H6PD: variants seen among roughly 807,000 people sequenced by gnomAD.
H6PD encodes the protein GDH/6PGL endoplasmic bifunctional protein.
H6PD carries 48 observed loss-of-function variants against 61.2 expected under a neutral mutation model. The ratio of observed to expected loss-of-function variants is 0.78; its 90% CI spans 0.62 to 1.00. The LOEUF is 1.00. Among genes scored for constraint, H6PD ranks in the 50% least tolerant of loss-of-function variants. The pLI is 0.00. For synonymous variants in H6PD, 480 were observed against 457.9 expected (o/e 1.05, Z -0.62); for missense variants, 1,093 against 1,065.0 (o/e 1.03, Z -0.37).
chr1:9,258,273 G>T (rs921280248), intron 3 of H6PD, among the ~76,000 whole-genome samples: 3 of 60,536 alleles, frequency 5.0e-5, no homozygotes, highest in African/African-American at 1.1e-4. Context: ...GTGTTGTTAC[G>T]TTGCTGTTGT....
At chr1:9,252,585 C>T (rs567965563) in intron 3 of H6PD, among the ~76,000 whole-genome samples, 2 of 152,286 alleles carry the variant, frequency 1.3e-5, no homozygotes, top group East Asian at 3.9e-4. Context: ...AGATACAATG[C>T]ACATACCACA....
At chr1:9,244,249 A>G (rs1641091747) in intron 1 of H6PD, among the ~76,000 whole-genome samples, 1 of 152,222 alleles carries the variant, frequency 6.6e-6, no homozygotes, top group Non-Finnish European at 1.5e-5. Flanking sequence ...TTTTATCCTT[A>G]TAACAACTCT....
rs758284231 is a variant in H6PD at position 9,247,026 on chromosome 1, A to T, written c.688A>T (p.Asn230Tyr). ...QNRKALDGLW[N>Y]RHHVERVEII... The stretch of plus-strand genomic sequence containing the variant: ...CCGCAAGGCTTTGGACGGCCTCTGG[A>T]ACCGGCACCATGTGGAGCGGGTGGA... Residue 230 changes from asparagine to tyrosine, a missense_variant, in exon 3 of 5, where the codon AAC becomes TAC. Transcript: ENST00000377403. 6.2e-7 allele frequency: 1 copy of T among 1,614,012 alleles called. No homozygotes were observed.
At chr1:9,257,952 T>C (rs1198728284) in intron 3 of H6PD, among the ~76,000 whole-genome samples, 1 of 152,266 alleles carries the variant, frequency 6.6e-6, no homozygotes, top group Non-Finnish European at 1.5e-5. Flanking sequence ...GAGTCACCGA[T>C]AATCAGTGCT....
chr1:9,247,289 T>C (rs1641211287), intron 3 of H6PD, among the ~76,000 whole-genome samples: 3 of 152,170 alleles, frequency 2.0e-5, no homozygotes, highest in African/African-American at 4.8e-5. Context: ...GAGGAGCGTA[T>C]GGTCCAGAGA....
At position 9,262,134 on chromosome 1, in the gene H6PD, T is replaced by G. The variant is rs1570121334; in HGVS notation, c.821T>G (p.Leu274Arg). ...AACCATCTGACGGAGGTCCTCACCC[T>G]CGTGGCCATGGAGCTGCCCCACAAT... ...LQNHLTEVLT[L>R]VAMELPHNVS... Residue 274 changes from leucine (L) to arginine (R), a missense_variant, in exon 4 of 5, where the codon CTC (leucine) becomes CGC (arginine). Physicochemically the swap from Leu to Arg is moderately radical, Grantham distance 102. Coordinates refer to ENST00000377403, the MANE Select transcript of H6PD (RefSeq NM_004285.4). The G allele has an allele frequency of 6.2e-7, 1 of 1,614,190 alleles. No homozygotes were observed. Among genetic ancestry groups the G allele is most frequent in the African/African-American group, 1.3e-5 (1 of 75,058 alleles).
intron 1 of H6PD, among the ~76,000 whole-genome samples, chr1:9,236,690 C>T (rs1369016415): frequency 6.9e-6 from 1 of 144,656 alleles, no homozygotes; most frequent in African/African-American, 2.6e-5. Context: ...AAAAAAAAAG[C>T]AGCTAGGATT....
chr1:9,259,340 T>TA (rs1641637503), intron 3 of H6PD, among the ~76,000 whole-genome samples: 1 of 152,214 alleles, frequency 6.6e-6, no homozygotes, highest in Non-Finnish European at 1.5e-5. Flanking sequence ...ATGTTGTTGT[T>TA]ACACTGGTGT....
chr1:9,237,187 A>G (rs1319856923), intron 1 of H6PD, among the ~76,000 whole-genome samples: 2 of 150,352 alleles, frequency 1.3e-5, no homozygotes, highest in African/African-American at 4.9e-5. Flanking sequence ...CCTGTATTCA[A>G]ATCCTATCAC....
In H6PD at chr1:9,264,021, C is replaced by T. The variant is rs758056630; in HGVS notation, c.1528C>T (p.Leu510=). The change falls in exon 5 of 5, where the codon CTG becomes TTG. Residue 510 remains leucine, a synonymous_variant. Transcript: ENST00000377403. ...LYPGGAENGR[L]LDFEFSSGRL... ...CCCTGGAGGAGCTGAGAATGGCCGT[C>T]TGTTGGACTTTGAGTTCAGTAGCGG... The T allele has an allele frequency of 1.2e-6, 2 of 1,614,236 alleles. No homozygotes were observed. Among genetic ancestry groups the T allele is most frequent in the Non-Finnish European group, 1.7e-6 (2 of 1,180,046 alleles).
rs1461146705 is a variant in H6PD, at chr1:9,268,625, C to T, written c.*3756C>T. 1 of 152,236 alleles carries T rather than the reference C, an allele frequency of 6.6e-6. No individual in the cohort carries two copies. Among genetic ancestry groups the T allele is most frequent in the African/African-American group, 2.4e-5 (1 of 41,456 alleles). 9.4% of individuals were successfully genotyped at this position (152,236 alleles called of 1,614,324 possible). On this transcript the variant is annotated 3_prime_UTR_variant, in exon 5 of 5. Transcript: ENST00000377403. ...CCTGCTAACTGCAAGTTAAAATAGG[C>T]CCTTCTTACTGAATTTCCCTGTTTG...
chr1:9,264,987 A>C lies in H6PD; in HGVS notation c.*118A>C. On this transcript the variant is annotated 3_prime_UTR_variant, in exon 5 of 5. Transcript: ENST00000377403. ...CTGGCTCTCCAGAACCTTCTATCCC[A>C]CAGTCAGGCCCCAGAGAGGGCAGGA... is the stretch of plus-strand genomic sequence containing the variant. 1.8e-6 allele frequency: 2 copies of C among 1,090,320 alleles called. No homozygotes were observed. Among genetic ancestry groups the C allele is most frequent in the Non-Finnish European group, 2.7e-6 (2 of 736,428 alleles). The allele number at this position is 1,090,320 out of a possible 1,614,324, so 67.5% of individuals were successfully genotyped here.
chr1:9,255,470 T>A (rs1641488188), intron 3 of H6PD, among the ~76,000 whole-genome samples: 1 of 151,910 alleles, frequency 6.6e-6, no homozygotes, highest in African/African-American at 2.4e-5. Context: ...TTTGTAGAGA[T>A]GGGGTTTTGC....
In H6PD at chr1:9,245,482, C is replaced by G; in HGVS notation, c.548C>G (p.Ala183Gly). The G allele has an allele frequency of 6.2e-7, 1 of 1,614,098 alleles. No individual in the cohort carries two copies. The highest frequency in any genetic ancestry group is 8.5e-7 in the Non-Finnish European group (1 of 1,179,950). ...EKPFGHDHFS[A>G]QQLATELGTF... is the part of the protein sequence containing the mutation. Reference sequence around the variant, plus strand: ...CCCTTTGGCCATGACCACTTCTCAGCCCAGCAGCTGGCCACAGAACTCGGG... The same window carrying G: ...CCCTTTGGCCATGACCACTTCTCAGGCCAGCAGCTGGCCACAGAACTCGGG... The change falls in exon 2 of 5, where the codon GCC (alanine) becomes GGC (glycine). Residue 183 changes from alanine to glycine, a missense_variant. Coordinates refer to ENST00000377403, the MANE Select transcript of H6PD (RefSeq NM_004285.4). The surrounding 1 kb of genome is among the most constrained non-coding windows in gnomAD (Gnocchi z 4.8).
chr1:9,264,188 T>C lies in H6PD; in HGVS notation c.1695T>C (p.Ser565=). Residue 565 remains serine (S), a synonymous_variant, in exon 5 of 5, where the codon TCT becomes TCC. Transcript: ENST00000377403. ...CCGCCTGGTCCGAGGAGCTGATCTC[T>C]AAGCTGGCTAATGACATCGAGGCCA... The part of the protein sequence containing the change: ...LVSAWSEELI[S]KLANDIEATA... The C allele has an allele frequency of 6.2e-7, 1 of 1,611,708 alleles. No homozygotes were observed. The highest frequency in any genetic ancestry group is 8.5e-7 in the Non-Finnish European group (1 of 1,178,786).
chr1:9,246,835 A>G (rs1214429036), intron 2 of H6PD, 131 bp from the exon 3 acceptor site: 3 of 769,158 alleles, frequency 3.9e-6, no homozygotes, highest in African/African-American at 3.4e-5. Context: ...CGTGAAGTCC[A>G]GAACTACTGC....
chr1:9,249,163 G>C (rs919890318), intron 3 of H6PD, among the ~76,000 whole-genome samples: 1 of 152,180 alleles, frequency 6.6e-6, no homozygotes, highest in East Asian at 1.9e-4. Context: ...CTGGGGAAGA[G>C]CCATGATGTC....
chr1:9,251,238 G>C (rs1161329796), intron 3 of H6PD, among the ~76,000 whole-genome samples: 4 of 152,188 alleles, frequency 2.6e-5, no homozygotes, highest in East Asian at 1.9e-4. Context: ...GTGTTCAGCT[G>C]TCTGGGTCCG....
At chr1:9,240,680 T>G (rs928311220) in intron 1 of H6PD, among the ~76,000 whole-genome samples, 2 of 152,218 alleles carry the variant, frequency 1.3e-5, no homozygotes, top group African/African-American at 4.8e-5. Flanking sequence ...ATTTGTTAAT[T>G]TTTTGAGCAG....
Sources: gnomAD v4.1 joint callset for allele counts (sites outside exome capture counted in the v4.1 genomes callset) on GRCh38, gnomAD v4.1.1 for gene constraint, Gnocchi (gnomAD v3.1) non-coding constraint, MANE v1.5 for transcripts, NCBI Gene and HGNC (gene_info 2026-07-23, HGNC 2026-07-21) for gene names.